The following GCNT2 variants were observed in gnomAD, a reference collection of about 807,000 sequenced individuals.
GCNT2 encodes the protein glucosaminyl (N-acetyl) transferase 2 (I blood group).
In GCNT2, 34 loss-of-function variants were observed where a neutral mutation model predicts 34.2. The observed-to-expected ratio is 1.00, with a 90% CI of 0.76 to 1.32. The LOEUF (loss-of-function observed/expected upper bound fraction) is 1.32. GCNT2 is among the 40% of genes most tolerant of loss of function. The probability of loss-of-function intolerance (pLI) is 0.00; values close to 1 mark genes in which losing one functional copy is unlikely to be tolerated. For missense variants in GCNT2, 584 were observed against 489.4 expected (o/e 1.19, Z -1.82); for synonymous variants, 212 against 188.0 (o/e 1.13, Z -1.04).
At chr6:10,550,802 T>G (rs967920000) in intron 3 of GCNT2, among the ~76,000 whole-genome samples, 1 of 152,182 alleles carries the variant, frequency 6.6e-6, no homozygotes, top group African/African-American at 2.4e-5. Flanking sequence ...ATTATTAAAC[T>G]CACCTGGAAC....
intron 1 of GCNT2, among the ~76,000 whole-genome samples, chr6:10,524,285 T>C (rs1736007749): frequency 6.6e-6 from 1 of 151,268 alleles, no homozygotes; most frequent in African/African-American, 2.4e-5. Context: ...AGTTTCGCTC[T>C]TGTTGCCTGG....
chr6:10,579,655 A>C (rs1339778974), intron 3 of GCNT2, among the ~76,000 whole-genome samples: 5 of 151,938 alleles, frequency 3.3e-5, no homozygotes, highest in Non-Finnish European at 7.4e-5. Context: ...GTCTCTACTA[A>C]AAATACAAAA....
intron 3 of GCNT2, among the ~76,000 whole-genome samples, chr6:10,553,250 G>T (rs1204395803): frequency 3.3e-5 from 5 of 152,178 alleles, no homozygotes; most frequent in African/African-American, 1.2e-4. Context: ...CTGCCTGGAG[G>T]TGCTCCTCCA....
intron 3 of GCNT2, chr6:10,557,199 A>C: frequency 6.4e-7 from 1 of 1,563,212 alleles, no homozygotes; most frequent in Non-Finnish European, 8.6e-7. Flanking sequence ...CTCACAATTT[A>C]CTTTGGCTCT....
At chr6:10,622,351 G>A (rs1037394098) in intron 4 of GCNT2, among the ~76,000 whole-genome samples, 1 of 151,920 alleles carries the variant, frequency 6.6e-6, no homozygotes, top group Non-Finnish European at 1.5e-5. Context: ...CAAGATCCAG[G>A]TGTCAGCAGG....
At chr6:10,601,974 A>G (rs1034751757) in intron 3 of GCNT2, among the ~76,000 whole-genome samples, 2 of 150,926 alleles carry the variant, frequency 1.3e-5, no homozygotes, top group Non-Finnish European at 2.9e-5. Context: ...AAAAAACACT[A>G]AAGCCCTTGA....
intron 3 of GCNT2, among the ~76,000 whole-genome samples, chr6:10,599,226 C>T (rs772332612): frequency 3.9e-5 from 6 of 152,112 alleles, no homozygotes; most frequent in South Asian, 2.1e-4. Flanking sequence ...TGAGTGGGAT[C>T]GATTGTACCA....
At chr6:10,528,226 G>T (rs1410315368) in intron 2 of GCNT2, 3 of 152,586 alleles carry the variant, frequency 2.0e-5, no homozygotes, top group Non-Finnish European at 4.4e-5. Flanking sequence ...GCCCTGGAAA[G>T]AATTTAGCCC....
intron 3 of GCNT2, chr6:10,573,261 T>C (rs1048497521): frequency 1.0e-6 from 1 of 985,028 alleles, no homozygotes; most frequent in Non-Finnish European, 1.2e-6. Context: ...AGAGAAAAGT[T>C]GTTGTGCAGA....
rs375155389 is a variant in GCNT2, at chr6:10,557,767, T to A, written c.925+27931T>A. Among the ~76,000 whole-genome samples the A allele has an allele frequency of 5.5e-4, 84 of 152,326 alleles. 2 individuals carry two copies. The South Asian group carries it at 0.013, about 23-fold the overall frequency. On this transcript the variant is annotated intron_variant, in intron 3 of 4. Transcript: ENST00000495262. ...TTGGCCTCCCAAAATGCTGGGATTA[T>A]AGCCATGAGCCACCATGCCTAGCCC...
At chr6:10,596,853 C>G (rs1037113151) in intron 3 of GCNT2, among the ~76,000 whole-genome samples, 1 of 152,088 alleles carries the variant, frequency 6.6e-6, no homozygotes, top group Non-Finnish European at 1.5e-5. Context: ...ACAGAGGCTT[C>G]TCTATGAGAT....
At chr6:10,549,053 A>AGCGTGGC (rs1205255670) in intron 3 of GCNT2, among the ~76,000 whole-genome samples, 1 of 152,164 alleles carries the variant, frequency 6.6e-6, no homozygotes, top group Non-Finnish European at 1.5e-5. Context: ...CACCGCGCCC[A>AGCGTGGC]GCGTGAAGAC....
intron 3 of GCNT2, among the ~76,000 whole-genome samples, chr6:10,614,847 G>C (rs559925477): frequency 2.6e-5 from 4 of 152,066 alleles, no homozygotes; most frequent in African/African-American, 4.8e-5. Flanking sequence ...ATGGACGCGC[G>C]TTCATTCCTT....
intron 3 of GCNT2, among the ~76,000 whole-genome samples, chr6:10,530,706 A>C (rs367663105): frequency 6.6e-6 from 1 of 151,706 alleles, no homozygotes; most frequent in African/African-American, 2.4e-5. Flanking sequence ...CACTGTCTCT[A>C]TTTTTTTTCA....
At chr6:10,621,300 C>T (rs1276508516) in intron 3 of GCNT2, 51 bp from the exon 4 acceptor site, 7 of 1,135,990 alleles carry the variant, frequency 6.2e-6, no homozygotes, top group Non-Finnish European at 9.3e-6. Context: ...GAAATTGATG[C>T]CCTTCTCTCA....
Position 10,628,310 on chromosome 6 carries a change from A to G in GCNT2, c.*1703A>G, listed in dbSNP as rs1002792553. On this transcript the variant is annotated 3_prime_UTR_variant, in exon 5 of 5. Transcript: ENST00000495262. ...AACAAAAAGCAATTACTACAAATGG[A>G]TGACACATTTAATGAACACAATTTT... The G allele has an allele frequency of 4.6e-5, 7 of 152,670 alleles. No individual in the cohort carries two copies. The highest frequency in any genetic ancestry group is 1.7e-4 in the African/African-American group (7 of 41,474). The allele number at this position is 152,670 out of a possible 1,614,324, so 9.5% of individuals were successfully genotyped here. A position where few individuals can be genotyped will look rare whatever the true frequency, so the allele number is the denominator to read the frequency against.
intron 3 of GCNT2, among the ~76,000 whole-genome samples, chr6:10,577,200 G>A (rs984441839): frequency 6.6e-6 from 1 of 152,372 alleles, no homozygotes; most frequent in Admixed American, 6.5e-5. Context: ...ATCAAATGGA[G>A]AGAAATCACA....
intron 3 of GCNT2, among the ~76,000 whole-genome samples, chr6:10,569,854 T>C (rs900371704): frequency 3.4e-4 from 49 of 146,248 alleles, no homozygotes; most frequent in Middle Eastern, 3.6e-3. Flanking sequence ...CCTTTCTCTT[T>C]CTTTCTCTTT....
intron 3 of GCNT2, among the ~76,000 whole-genome samples, chr6:10,598,947 G>T (rs1036901417): frequency 1.3e-5 from 2 of 152,194 alleles, no homozygotes; most frequent in Non-Finnish European, 2.9e-5. Flanking sequence ...CTGGAATGGC[G>T]CATGGTGCCT....
Sources: allele counts gnomAD v4.1 joint callset (sites outside exome capture counted in the v4.1 genomes callset), GRCh38; gene constraint gnomAD v4.1.1; transcripts MANE v1.5; gene names NCBI Gene and HGNC (gene_info 2026-07-23, HGNC 2026-07-21).